The following TIMELESS variants were observed in gnomAD, a reference collection of about 807,000 sequenced individuals.
TIMELESS encodes the protein timeless circadian regulator, also known as protein timeless homolog.
Under a neutral mutation model 164.3 loss-of-function variants are expected in TIMELESS, and 124 were observed. The observed-to-expected ratio is 0.75, with a 90% confidence interval of 0.65 to 0.88. TIMELESS has a LOEUF of 0.88. TIMELESS is among the 40% of genes least tolerant of loss of function. The pLI, the probability that TIMELESS is intolerant of heterozygous loss-of-function variation, is 0.00. For missense variants in TIMELESS, 1,422 were observed against 1,491.4 expected (o/e 0.95, Z 0.77); for synonymous variants, 564 against 563.4 (o/e 1.00, Z -0.02).
intron 26 of TIMELESS, among the ~76,000 whole-genome samples, chr12:56,420,006 CAA>C (rs57647901): frequency 9.0e-4 from 12 of 13,280 alleles, no homozygotes; most frequent in African/African-American, 2.8e-3. Context: ...GACTCTGTCT[CAA>C]AAAAAAAAAA....
intron 26 of TIMELESS, among the ~76,000 whole-genome samples, chr12:56,418,796 G>C (rs941827750): frequency 6.6e-6 from 1 of 151,828 alleles, no homozygotes; most frequent in African/African-American, 2.4e-5. Context: ...GCCCAGGCCA[G>C]TCTCAAACGA....
chr12:56,422,977 CAA>C lies in TIMELESS; in HGVS notation c.2306_2307del (p.Phe769CysfsTer36). On this transcript the variant is annotated frameshift_variant, in exon 19 of 29. Transcript: ENST00000553532. LOFTEE classifies it high-confidence loss of function. ...AAGAYKELVTFAKYILGKFFA... is the reference protein window; with the variant it reads ...AAGAYKELVTXAKYILGKFFA... ...AAAAATTTGCCCAGGATGTATTTGG[CAA>C]AAGTCACTAGCTCCTGTAGGAGAAG... 1 of 1,613,704 alleles carries C rather than the reference CAA, an allele frequency of 6.2e-7. No individual in the cohort carries two copies. Among genetic ancestry groups the C allele is most frequent in the South Asian group, 1.1e-5 (1 of 90,998 alleles).
intron 15 of TIMELESS, 97 bp downstream of exon 15, chr12:56,424,665 T>G: frequency 2.6e-4 from 381 of 1,454,844 alleles, no homozygotes; most frequent in Non-Finnish European, 3.3e-4. Flanking sequence ...AGAGCCTTGA[T>G]GAGACAACTC....
In TIMELESS at chr12:56,418,205, T is replaced by C; in HGVS notation, c.3383A>G (p.Glu1128Gly). Residue 1128 changes from glutamate to glycine, a missense_variant, in exon 27 of 29, where the codon GAG (glutamate) becomes GGG (glycine). Physicochemically the swap from Glu to Gly is moderately conservative, Grantham distance 98. Coordinates refer to ENST00000553532, the MANE Select transcript of TIMELESS (RefSeq NM_003920.5). Reference protein sequence around the residue: ...EQGSDEEHCKEHRAQALRALL... With the variant: ...EQGSDEEHCKGHRAQALRALL... ...GGCCCTCAGGGCTTGTGCTCGGTGC[T>C]CTTTACAGTGCTCCTCATCAGAGCC... The C allele has an allele frequency of 6.2e-7, 1 of 1,614,226 alleles. No individual in the cohort carries two copies. Among genetic ancestry groups the C allele is most frequent in the Non-Finnish European group, 8.5e-7 (1 of 1,180,040 alleles).
chr12:56,440,023 G>T (rs1198980996), intron 1 of TIMELESS, among the ~76,000 whole-genome samples: 3 of 151,644 alleles, frequency 2.0e-5, no homozygotes. Flanking sequence ...GTATCAAGCA[G>T]TTCAGATGAA....
rs754791394 is a variant in TIMELESS at position 56,433,814 on chromosome 12, G to A, written c.210C>T (p.Thr70=). 2.5e-6 allele frequency: 4 copies of A among 1,614,152 alleles called. No homozygotes were observed. The South Asian group carries it at 3.3e-5, about 13-fold the overall frequency. Residue 70 remains threonine (T), a synonymous_variant, in exon 3 of 29, where the codon ACC becomes ACT. Transcript: ENST00000553532. ...AGAGAGGCTTGTCCTGGTGGTGCTG[G>A]GTGAGGATGGGCAGAAGGTCGCTCT... ...ILQSDLLPIL[T]QHHQDKPLFD...
In TIMELESS at chr12:56,418,156, T is replaced by C; in HGVS notation, c.3432A>G (p.Lys1144=). 6.2e-7 allele frequency: 1 copy of C among 1,614,238 alleles called. No homozygotes were observed. The highest frequency in any genetic ancestry group is 8.5e-7 in the Non-Finnish European group (1 of 1,180,042). The stretch of plus-strand genomic sequence containing the variant: ...TACCCTCTGGGGATGCCAGGCCCGC[T>C]TTCTTCTTGTGGGCTAGCAAGAGGG... ...LRALLLAHKK[K]AGLASPEEED... Residue 1144 remains lysine, a synonymous_variant, in exon 27 of 29, where the codon AAA becomes AAG. Transcript: ENST00000553532.
intron 1 of TIMELESS, among the ~76,000 whole-genome samples, chr12:56,444,122 A>T (rs551681530): frequency 1.3e-5 from 2 of 151,944 alleles, no homozygotes; most frequent in Non-Finnish European, 2.9e-5. Context: ...GGTCTGGAAC[A>T]CCTGACCTCG....
chr12:56,425,190 T>G, intron 13 of TIMELESS, 38 bp from the exon 14 acceptor site: 1 of 1,548,802 alleles, frequency 6.5e-7, no homozygotes, highest in East Asian at 2.4e-5. Flanking sequence ...TCAAGAGAGC[T>G]AAAGAGGGCT....
At position 56,416,993 on chromosome 12, in the gene TIMELESS, G is replaced by C. The variant is rs918720082; in HGVS notation, c.*723C>G. Reference sequence around the variant, plus strand: ...CCCGCCTCAGCCTCCCAAAGTGCTAGGACAACAGGTTTGAGCCACTGTGCC... The same window carrying C: ...CCCGCCTCAGCCTCCCAAAGTGCTACGACAACAGGTTTGAGCCACTGTGCC... On this transcript the variant is annotated 3_prime_UTR_variant, in exon 29 of 29. Transcript: ENST00000553532. 1 of 152,284 alleles carries C rather than the reference G, an allele frequency of 6.6e-6. No homozygotes were observed. Among genetic ancestry groups the C allele is most frequent in the Non-Finnish European group, 1.5e-5 (1 of 68,162 alleles). The allele number at this position is 152,284 out of a possible 1,614,324, so 9.4% of individuals were successfully genotyped here.
intron 1 of TIMELESS, among the ~76,000 whole-genome samples, chr12:56,446,407 T>C (rs1367323669): frequency 1.3e-5 from 2 of 152,142 alleles, no homozygotes; most frequent in Non-Finnish European, 2.9e-5. Context: ...AAACTAAAGT[T>C]TCAGTGACCT....
rs772301947 is a variant in TIMELESS, at chr12:56,421,881, G to A, written c.2642+18C>T. 145 of 1,613,628 alleles carry A rather than the reference G, an allele frequency of 9.0e-5. No homozygotes were observed. Among genetic ancestry groups the A allele is most frequent in the Non-Finnish European group, 1.2e-4 (138 of 1,179,642 alleles). On this transcript the variant is annotated intron_variant, in intron 21 of 28. Transcript: ENST00000553532. Reference sequence around the variant, plus strand: ...CGAGTCCCCATCCCAATAGCCTCCAGAGCATGTGCCTCTCTACCTTTGGAA... The same window carrying A: ...CGAGTCCCCATCCCAATAGCCTCCAAAGCATGTGCCTCTCTACCTTTGGAA...
intron 26 of TIMELESS, 119 bp from the exon 27 acceptor site, chr12:56,418,478 T>C (rs2136129821): frequency 1.4e-6 from 1 of 693,806 alleles, no homozygotes; most frequent in Non-Finnish European, 2.4e-6. Context: ...GTGAACTCTA[T>C]TTATTATAAT....
rs77400795 is a variant in TIMELESS, at chr12:56,434,939, G to A, written c.-61-708C>T. Among the ~76,000 whole-genome samples, 15 of 152,276 alleles carry A rather than the reference G, an allele frequency of 9.9e-5. No homozygotes were observed. In the South Asian group the frequency reaches 2.1e-3, roughly 21 times the overall value. Reference sequence around the variant, plus strand: ...TGCACTCCTACCTACTCGGGAGGCCGGCTGAGATGAGAGGACTACTTGCGC... The same window carrying A: ...TGCACTCCTACCTACTCGGGAGGCCAGCTGAGATGAGAGGACTACTTGCGC... On this transcript the variant is annotated intron_variant, in intron 1 of 28. Coordinates refer to ENST00000553532, the MANE Select transcript of TIMELESS (RefSeq NM_003920.5).
At position 56,449,295 on chromosome 12, in the gene TIMELESS, C is replaced by T. The variant is rs1264271126; in HGVS notation, c.-62+15G>A. 2 of 152,314 alleles carry T rather than the reference C, an allele frequency of 1.3e-5. No homozygotes were observed. Among genetic ancestry groups the T allele is most frequent in the Non-Finnish European group, 2.9e-5 (2 of 68,088 alleles). The allele number at this position is 152,314 out of a possible 1,614,324, so 9.4% of individuals were successfully genotyped here. ...CCGTGTCCGCTTAGCGCCCTCTCGC[C>T]ACACACTCACTCACCCGCTCCCTGC... is the stretch of plus-strand genomic sequence containing the variant. On this transcript the variant is annotated intron_variant, in intron 1 of 28. Transcript: ENST00000553532.
chr12:56,447,013 A>AC (rs1868361597), intron 1 of TIMELESS, among the ~76,000 whole-genome samples: 1 of 139,424 alleles, frequency 7.2e-6, no homozygotes, highest in African/African-American at 2.7e-5. Flanking sequence ...AATTCTTTTT[A>AC]TTTTTTTTTT....
At chr12:56,448,767 T>G (rs958341305) in intron 1 of TIMELESS, among the ~76,000 whole-genome samples, 1 of 151,928 alleles carries the variant, frequency 6.6e-6, no homozygotes, top group Non-Finnish European at 1.5e-5. Context: ...AAAGTACTAG[T>G]CGAAGCACGA....
intron 19 of TIMELESS, 48 bp from the exon 20 acceptor site, chr12:56,422,239 AGAG>A: frequency 6.4e-7 from 1 of 1,566,314 alleles, no homozygotes; most frequent in Non-Finnish European, 8.8e-7. Context: ...TGGCCCAAAA[AGAG>A]GAGACCAAAG....
chr12:56,422,771 T>C (rs1459666318), intron 19 of TIMELESS, 76 bp downstream of exon 19: 2 of 1,486,086 alleles, frequency 1.3e-6, no homozygotes, highest in Non-Finnish European at 1.8e-6. Flanking sequence ...TGCAAGCTCT[T>C]AACAGCTTTG....
Sources: gnomAD v4.1 joint callset for allele counts (sites outside exome capture counted in the v4.1 genomes callset) on GRCh38, gnomAD v4.1.1 for gene constraint, MANE v1.5 for transcripts, NCBI Gene and HGNC (gene_info 2026-07-23, HGNC 2026-07-21) for gene names.